NBEA: variants seen among roughly 807,000 people sequenced by gnomAD.
NBEA encodes lysosomal-trafficking regulator 2.
NBEA carries 44 observed loss-of-function variants against 343.4 expected under a neutral mutation model. The observed-to-expected ratio is 0.13, with a 90% CI of 0.10 to 0.16. NBEA has a LOEUF of 0.16. Ranked by LOEUF, NBEA falls within the 10% of genes least tolerant of loss-of-function variation. The pLI, the probability that NBEA is intolerant of heterozygous loss-of-function variation, is 1.00. For synonymous variants in NBEA, 1,175 were observed against 1,238.7 expected, an observed-to-expected ratio of 0.95 and a Z score of 1.08; for missense variants, 2,555 against 3,631.3, an observed-to-expected ratio of 0.70 and a Z score of 7.62.
At position 35,159,548 on chromosome 13, in the gene NBEA, A is replaced by G. The variant is rs762302480; in HGVS notation, c.3377A>G (p.Asn1126Ser). 1 of 1,612,722 alleles carries G rather than the reference A, an allele frequency of 6.2e-7. No individual in the cohort carries two copies. The highest frequency in any genetic ancestry group is 8.5e-7 in the Non-Finnish European group (1 of 1,179,496). The change falls in exon 22 of 59, where the codon AAT becomes AGT. Residue 1126 changes from asparagine to serine, a missense_variant. By Grantham distance (46) the Asn-to-Ser change is conservative. Coordinates refer to ENST00000379939, the MANE Select transcript of NBEA (RefSeq NM_001385012.1). ...ATTAAAAAAAATGAAGAAAAGGATAATGGTCCATTGATAACATTAGCAGAT... is the reference window on the plus strand; with the variant it reads ...ATTAAAAAAAATGAAGAAAAGGATAGTGGTCCATTGATAACATTAGCAGAT... ...GIIKKNEEKD[N>S]GPLITLADEK...
In NBEA at chr13:35,592,313, C is replaced by T. The variant is rs1042331360; in HGVS notation, c.7177-1015C>T. On this transcript the variant is annotated intron_variant, in intron 46 of 58. Coordinates refer to ENST00000379939, the MANE Select transcript of NBEA (RefSeq NM_001385012.1). The stretch of plus-strand genomic sequence containing the variant: ...TTCGTTCAACAGATTATATATTGAG[C>T]AACTTCTATGTACCAGGAGTTGTTC... Among the ~76,000 whole-genome samples, 4 of 152,068 alleles carry T rather than the reference C, an allele frequency of 2.6e-5. No homozygotes were observed. In the South Asian group the frequency reaches 8.3e-4, roughly 31 times the overall value.
chr13:35,657,805 T>A (rs1388261199), intron 55 of NBEA, among the ~76,000 whole-genome samples: 1 of 152,138 alleles, frequency 6.6e-6, no homozygotes, highest in East Asian at 1.9e-4. Flanking sequence ...TTAATTACCG[T>A]CTTCAAAATG....
intron 38 of NBEA, among the ~76,000 whole-genome samples, chr13:35,370,990 T>C (rs879372771): frequency 3.9e-5 from 6 of 152,134 alleles, no homozygotes; most frequent in African/African-American, 9.7e-5. Context: ...ACTAGTCTGA[T>C]TGGGGTTTCC....
chr13:35,238,717 T>C (rs1223484854), intron 34 of NBEA, among the ~76,000 whole-genome samples: 1 of 152,130 alleles, frequency 6.6e-6, no homozygotes, highest in African/African-American at 2.4e-5. Context: ...AGTTGAAACA[T>C]TTTAGAAAGA....
intron 1 of NBEA, among the ~76,000 whole-genome samples, chr13:35,009,342 G>A (rs867504623): frequency 2.0e-5 from 3 of 152,116 alleles, no homozygotes; most frequent in African/African-American, 7.2e-5. Flanking sequence ...CATAATGCAG[G>A]GAAAGATAGA....
intron 33 of NBEA, among the ~76,000 whole-genome samples, chr13:35,219,473 C>G (rs1273451569): frequency 6.6e-6 from 1 of 152,060 alleles, no homozygotes; most frequent in Non-Finnish European, 1.5e-5. Context: ...GCACCTCTAA[C>G]AAGTTTTTAG....
At chr13:35,327,760 T>C (rs1167877223) in intron 36 of NBEA, among the ~76,000 whole-genome samples, 1 of 151,872 alleles carries the variant, frequency 6.6e-6, no homozygotes, top group Non-Finnish European at 1.5e-5. Context: ...CTGCATCCCC[T>C]GAATCTAAAA....
Position 35,273,743 on chromosome 13 carries a change from C to G in NBEA, c.5777-16646C>G, listed in dbSNP as rs549042828. 4.6e-5 allele frequency among the ~76,000 whole-genome samples: 7 copies of G among 152,248 alleles called. No homozygotes were observed. The South Asian group carries it at 1.4e-3, about 32-fold the overall frequency. ...AGAGACTACTATAAACACCTCTACT[C>G]AAATAAACTAGAAAATCTAAAAGAA... On this transcript the variant is annotated intron_variant, in intron 34 of 58. Coordinates refer to ENST00000379939, the MANE Select transcript of NBEA (RefSeq NM_001385012.1).
intron 38 of NBEA, among the ~76,000 whole-genome samples, chr13:35,410,774 C>A (rs2043534633): frequency 6.6e-6 from 1 of 152,048 alleles, no homozygotes; most frequent in Non-Finnish European, 1.5e-5. Flanking sequence ...AAAGAAGTTA[C>A]AAGGAGCCAA....
chr13:35,497,840 A>G (rs1002589483), intron 41 of NBEA, among the ~76,000 whole-genome samples: 10 of 152,106 alleles, frequency 6.6e-5, no homozygotes, highest in African/African-American at 2.4e-4. Context: ...AAATGCTTAA[A>G]GAGAGTCTAT....
chr13:35,375,799 A>G (rs2041708377), intron 38 of NBEA, among the ~76,000 whole-genome samples: 1 of 152,160 alleles, frequency 6.6e-6, no homozygotes, highest in Non-Finnish European at 1.5e-5. Context: ...AGTCAGAAAT[A>G]TTAGGGAATT....
At chr13:35,049,828 A>G (rs1593586335) in intron 5 of NBEA, among the ~76,000 whole-genome samples, 1 of 151,632 alleles carries the variant, frequency 6.6e-6, no homozygotes, top group East Asian at 1.9e-4. Flanking sequence ...ATCATTTATC[A>G]AACTTGACTC....
intron 36 of NBEA, among the ~76,000 whole-genome samples, chr13:35,344,005 A>G (rs2039736838): frequency 6.6e-6 from 1 of 152,064 alleles, no homozygotes; most frequent in African/African-American, 2.4e-5. Flanking sequence ...TGGTGCCAAA[A>G]AGGTTGGGAA....
At chr13:35,572,434 T>C (rs1427933178) in intron 45 of NBEA, among the ~76,000 whole-genome samples, 3 of 152,180 alleles carry the variant, frequency 2.0e-5, no homozygotes, top group African/African-American at 7.2e-5. Flanking sequence ...CACACACCCA[T>C]TCATCGAGTG....
At chr13:35,224,706 A>T (rs982814951) in intron 33 of NBEA, among the ~76,000 whole-genome samples, 2 of 152,070 alleles carry the variant, frequency 1.3e-5, no homozygotes, top group Non-Finnish European at 2.9e-5. Context: ...CAGTTATTTT[A>T]AATTATTTTA....
intron 1 of NBEA, among the ~76,000 whole-genome samples, chr13:34,947,804 A>C (rs2059232144): frequency 1.3e-5 from 2 of 152,332 alleles, no homozygotes; most frequent in South Asian, 2.1e-4. Context: ...GTCCAGACTT[A>C]GGATCCTGAA....
chr13:35,090,346 G>C (rs2065019167), intron 10 of NBEA, among the ~76,000 whole-genome samples: 1 of 151,886 alleles, frequency 6.6e-6, no homozygotes, highest in South Asian at 2.1e-4. Flanking sequence ...ATAACATTTA[G>C]TTGATTTAGT....
chr13:35,124,639 C>T (rs12561334), intron 17 of NBEA, among the ~76,000 whole-genome samples: 1 of 136,192 alleles, frequency 7.3e-6, no homozygotes, highest in African/African-American at 2.7e-5. Context: ...CATACACACA[C>T]ATATATGGAT....
chr13:34,959,352 G>T (rs2059589639), intron 1 of NBEA, among the ~76,000 whole-genome samples: 1 of 152,066 alleles, frequency 6.6e-6, no homozygotes, highest in Non-Finnish European at 1.5e-5. Context: ...TGGCAGACAG[G>T]AAGCTCTGCT....
Sources: gnomAD v4.1 joint callset for allele counts (sites outside exome capture counted in the v4.1 genomes callset) on GRCh38, gnomAD v4.1.1 for gene constraint, MANE v1.5 for transcripts, NCBI Gene and HGNC (gene_info 2026-07-23, HGNC 2026-07-21) for gene names.